Variants in NKAIN2 observed in about 807,000 individuals in gnomAD.
NKAIN2 encodes sodium/potassium-transporting ATPase subunit beta-1-interacting protein 2.
Under a neutral mutation model 32.6 loss-of-function variants are expected in NKAIN2, and 14 were observed. The ratio of observed to expected loss-of-function variants is 0.43; its 90% CI spans 0.28 to 0.67. The LOEUF is 0.67. Ranked by LOEUF, NKAIN2 falls within the 30% of genes least tolerant of loss-of-function variation. The pLI, the probability that NKAIN2 is intolerant of heterozygous loss-of-function variation, is 0.17. For synonymous variants in NKAIN2, 80 were observed against 87.2 expected (o/e 0.92, Z 0.46); for missense variants, 198 against 258.3 (o/e 0.77, Z 1.60).
chr6:124,558,717 G>A (rs1437292925), intron 3 of NKAIN2, among the ~76,000 whole-genome samples: 1 of 152,160 alleles, frequency 6.6e-6, no homozygotes, highest in Non-Finnish European at 1.5e-5. Context: ...GGAGGCCAAG[G>A]CGGGTGGATC....
chr6:124,051,457 G>T (rs1280673112), intron 1 of NKAIN2, among the ~76,000 whole-genome samples: 2 of 151,622 alleles, frequency 1.3e-5, no homozygotes, highest in East Asian at 3.9e-4. Context: ...TAAGTTTTAG[G>T]GTACATGTAC....
intron 4 of NKAIN2, among the ~76,000 whole-genome samples, chr6:124,768,705 A>G (rs1043176319): frequency 9.2e-5 from 14 of 152,224 alleles, no homozygotes; most frequent in African/African-American, 3.1e-4. Context: ...CTAATTATTC[A>G]TACATTCAAA....
chr6:123,892,943 G>A (rs971558966), intron 1 of NKAIN2, among the ~76,000 whole-genome samples: 2 of 151,212 alleles, frequency 1.3e-5, no homozygotes, highest in Admixed American at 1.3e-4. Context: ...ATAAAGTTGG[G>A]CAACAAGCAG....
intron 3 of NKAIN2, among the ~76,000 whole-genome samples, chr6:124,628,563 T>C (rs967641715): frequency 2.0e-5 from 3 of 151,942 alleles, no homozygotes; most frequent in Non-Finnish European, 4.4e-5. Context: ...GATTTACTAT[T>C]GTCAATCAAG....
chr6:124,097,952 A>G (rs189555784), intron 1 of NKAIN2, among the ~76,000 whole-genome samples: 2 of 152,012 alleles, frequency 1.3e-5, no homozygotes, highest in Admixed American at 6.5e-5. Context: ...CAGTATCTCC[A>G]TCTGGCTAAG....
chr6:124,339,788 G>A (rs548438388), intron 2 of NKAIN2, among the ~76,000 whole-genome samples: 1 of 152,018 alleles, frequency 6.6e-6, no homozygotes, highest in East Asian at 1.9e-4. Flanking sequence ...GAATATCTTC[G>A]AGAGAGCCAT....
At chr6:124,467,940 A>T (rs1048491718) in intron 3 of NKAIN2, among the ~76,000 whole-genome samples, 3 of 152,080 alleles carry the variant, frequency 2.0e-5, no homozygotes, top group Non-Finnish European at 4.4e-5. Flanking sequence ...TTTAAATTTC[A>T]GTTTCTTCAA....
At chr6:124,606,157 T>G (rs1362180251) in intron 3 of NKAIN2, among the ~76,000 whole-genome samples, 1 of 152,034 alleles carries the variant, frequency 6.6e-6, no homozygotes, top group Non-Finnish European at 1.5e-5. Flanking sequence ...CTCAAAGTGA[T>G]AGTACCTCTC....
At chr6:124,642,597 T>A (rs550366319) in intron 3 of NKAIN2, among the ~76,000 whole-genome samples, 4 of 152,286 alleles carry the variant, frequency 2.6e-5, no homozygotes, top group East Asian at 1.9e-4. Flanking sequence ...TAAATAAGAG[T>A]TCATGAAAAT....
intron 1 of NKAIN2, among the ~76,000 whole-genome samples, chr6:123,947,343 T>G (rs1313391248): frequency 6.6e-6 from 1 of 152,180 alleles, no homozygotes; most frequent in South Asian, 2.1e-4. Context: ...AGCCAGGCTA[T>G]GTGAAAAGAA....
intron 1 of NKAIN2, among the ~76,000 whole-genome samples, chr6:124,123,263 C>T (rs181208281): frequency 6.3e-4 from 96 of 151,996 alleles, no homozygotes; most frequent in African/African-American, 2.3e-3. Context: ...TGATGGAAGA[C>T]AGCTCTAATA....
chr6:124,774,430 T>A (rs992324793), intron 4 of NKAIN2, among the ~76,000 whole-genome samples: 1 of 152,154 alleles, frequency 6.6e-6, no homozygotes, highest in African/African-American at 2.4e-5. Context: ...ATGGATACAG[T>A]TAGGTGTAGT....
intron 6 of NKAIN2, among the ~76,000 whole-genome samples, chr6:124,819,686 C>T (rs1269038566): frequency 1.3e-5 from 2 of 152,100 alleles, no homozygotes; most frequent in Non-Finnish European, 2.9e-5. Context: ...ATTTCACTTC[C>T]CTACTTCAAA....
intron 3 of NKAIN2, among the ~76,000 whole-genome samples, chr6:124,488,611 G>T (rs1305214091): frequency 2.0e-5 from 3 of 151,912 alleles, no homozygotes; most frequent in Admixed American, 6.6e-5. Context: ...GTGGAGGGAA[G>T]GTTTCTTCAA....
chr6:124,197,081 T>TTA (rs1476742119), intron 1 of NKAIN2, among the ~76,000 whole-genome samples: 1 of 151,396 alleles, frequency 6.6e-6, no homozygotes, highest in Non-Finnish European at 1.5e-5. Flanking sequence ...AAAATTTTCT[T>TTA]TATATATATT....
At chr6:123,940,346 A>G (rs1324415351) in intron 1 of NKAIN2, among the ~76,000 whole-genome samples, 1 of 150,104 alleles carries the variant, frequency 6.7e-6, no homozygotes, top group African/African-American at 2.5e-5. Flanking sequence ...ATATATATAT[A>G]TGTGTATGTG....
chr6:124,455,080 G>A lies in NKAIN2; in HGVS notation c.273+99733G>A, dbSNP rs181459015. Among the ~76,000 whole-genome samples, 396 of 152,160 alleles carry A rather than the reference G, an allele frequency of 2.6e-3. 1 individual carries two copies. The highest frequency in any genetic ancestry group is 4.3e-3 in the Non-Finnish European group (292 of 67,950). ...TGCATGATCATCTTAGCACTATCAT[G>A]TATGTTGAAATAAGGTTTATAACGC... On this transcript the variant is annotated intron_variant, in intron 3 of 6. Transcript: ENST00000368417.
At chr6:124,215,188 TA>T (rs1229908636) in intron 1 of NKAIN2, among the ~76,000 whole-genome samples, 2 of 152,176 alleles carry the variant, frequency 1.3e-5, no homozygotes, top group African/African-American at 4.8e-5. Context: ...TGGCCATTTA[TA>T]TTTTAAAAAT....
chr6:124,614,171 A>G (rs552600948), intron 3 of NKAIN2, among the ~76,000 whole-genome samples: 1 of 152,296 alleles, frequency 6.6e-6, no homozygotes, highest in Admixed American at 6.5e-5. Context: ...AGAAGGGTGG[A>G]TAACTTGAGG....
Sources: allele counts gnomAD v4.1 joint callset (sites outside exome capture counted in the v4.1 genomes callset), GRCh38; gene constraint gnomAD v4.1.1; transcripts MANE v1.5; gene names NCBI Gene and HGNC (gene_info 2026-07-23, HGNC 2026-07-21).